SYT14: variants seen among roughly 807,000 people sequenced by gnomAD.
SYT14 encodes synaptotagmin-14.
Under a neutral mutation model 74.2 loss-of-function variants are expected in SYT14, and 32 were observed. The observed-to-expected ratio is 0.43, with a 90% confidence interval of 0.33 to 0.58. The LOEUF (loss-of-function observed/expected upper bound fraction) is 0.58, where lower values mean the gene tolerates loss of function less well. Among genes scored for constraint, SYT14 ranks in the 20% least tolerant of loss-of-function variants. SYT14 has a pLI of 0.05. For missense variants in SYT14, 791 were observed against 981.8 expected, an observed-to-expected ratio of 0.81 and a Z score of 2.60; for synonymous variants, 298 against 337.7, an observed-to-expected ratio of 0.88 and a Z score of 1.29.
At chr1:210,025,458 A>G (rs751277574) in intron 5 of SYT14, among the ~76,000 whole-genome samples, 1 of 152,222 alleles carries the variant, frequency 6.6e-6, no homozygotes, top group African/African-American at 2.4e-5. Flanking sequence ...AGGGAATCAC[A>G]AGGTAGAAGG....
At chr1:210,005,791 G>T (rs1299448143) in intron 2 of SYT14, among the ~76,000 whole-genome samples, 2 of 151,860 alleles carry the variant, frequency 1.3e-5, no homozygotes, top group African/African-American at 4.8e-5. Flanking sequence ...AATATATGAA[G>T]TACATTAAGT....
At chr1:210,031,848 A>T (rs1246435078) in intron 5 of SYT14, among the ~76,000 whole-genome samples, 2 of 152,150 alleles carry the variant, frequency 1.3e-5, no homozygotes, top group Non-Finnish European at 2.9e-5. Context: ...TAAGACCTCA[A>T]AAACCTGTTT....
intron 5 of SYT14, among the ~76,000 whole-genome samples, chr1:210,090,245 T>C (rs1178336747): frequency 1.3e-5 from 2 of 152,218 alleles, no homozygotes; most frequent in Non-Finnish European, 2.9e-5. Context: ...TTTCCTGCCT[T>C]CGGACTTTAT....
At chr1:209,964,873 A>G (rs2079130711) in intron 2 of SYT14, among the ~76,000 whole-genome samples, 1 of 152,220 alleles carries the variant, frequency 6.6e-6, no homozygotes, top group South Asian at 2.1e-4. Context: ...CATAGTATTT[A>G]TACAAACAGT....
chr1:210,140,149 A>G (rs992325072), intron 7 of SYT14, among the ~76,000 whole-genome samples: 42 of 152,268 alleles, frequency 2.8e-4, no homozygotes, highest in African/African-American at 1.0e-3. Flanking sequence ...TATGTAAGCT[A>G]TCCTACTGGG....
chr1:210,126,277 A>G (rs1203183106), intron 7 of SYT14, among the ~76,000 whole-genome samples: 5 of 151,826 alleles, frequency 3.3e-5, no homozygotes, highest in Non-Finnish European at 7.4e-5. Flanking sequence ...ACTGGGTGCA[A>G]TTTTAAGCAT....
chr1:209,989,022 A>T (rs1369773599), intron 2 of SYT14, among the ~76,000 whole-genome samples: 1 of 152,116 alleles, frequency 6.6e-6, no homozygotes, highest in African/African-American at 2.4e-5. Flanking sequence ...CCCTTTCTCC[A>T]GGTAGTAAGC....
rs190090663 is a variant in SYT14 at position 209,979,631 on chromosome 1, T to G, written c.-486+26875T>G. ...CCCCCTACTCTCCAACAGGCCCCAG[T>G]GTGTGTTTTTCCCCACCATGGGTCC... On this transcript the variant is annotated intron_variant, in intron 2 of 9. Transcript: ENST00000637265. Among the ~76,000 whole-genome samples, 954 of 152,216 alleles carry G rather than the reference T, an allele frequency of 6.3e-3. 13 individuals are homozygous for G. The highest frequency in any genetic ancestry group is 9.6e-3 in the Non-Finnish European group (656 of 68,004).
Position 210,161,757 on chromosome 1 carries a change from C to G in SYT14, c.*715C>G, listed in dbSNP as rs754200482. On this transcript the variant is annotated 3_prime_UTR_variant, in exon 10 of 10. Transcript: ENST00000637265. ...AGAGACCAAGTCACTGTACTGGTCC[C>G]TTGCAAGTCTTCTAGACAGGTTGTA... 1.1e-4 allele frequency: 51 copies of G among 453,766 alleles called. 2 individuals are homozygous for G. The highest frequency in any genetic ancestry group is 7.6e-4 in the South Asian group (49 of 64,448). 28.1% of individuals were successfully genotyped at this position (453,766 alleles called of 1,614,324 possible). A position where few individuals can be genotyped will look rare whatever the true frequency, so the allele number is the denominator to read the frequency against.
At chr1:210,122,677 C>G (rs115782016) in intron 7 of SYT14, among the ~76,000 whole-genome samples, 25 of 151,634 alleles carry the variant, frequency 1.6e-4, no homozygotes, top group African/African-American at 6.1e-4. Context: ...AAAAAACAGA[C>G]CACATGCCAC....
intron 4 of SYT14, among the ~76,000 whole-genome samples, chr1:210,018,369 G>T (rs1271464270): frequency 6.6e-6 from 1 of 152,022 alleles, no homozygotes; most frequent in Non-Finnish European, 1.5e-5. Context: ...TCCTGACCTC[G>T]TGATCCACCC....
chr1:210,012,657 T>G (rs1241314188), intron 2 of SYT14, among the ~76,000 whole-genome samples: 3 of 152,150 alleles, frequency 2.0e-5, no homozygotes, highest in Non-Finnish European at 4.4e-5. Context: ...TCATAAATTT[T>G]GTTAAGTAAT....
intron 2 of SYT14, among the ~76,000 whole-genome samples, chr1:209,988,012 A>G (rs1027499405): frequency 6.6e-6 from 1 of 152,072 alleles, no homozygotes; most frequent in Non-Finnish European, 1.5e-5. Context: ...AATTTGGAAC[A>G]ATTTTGACCA....
At chr1:209,990,328 A>G (rs772197508) in intron 2 of SYT14, among the ~76,000 whole-genome samples, 2 of 151,766 alleles carry the variant, frequency 1.3e-5, no homozygotes, top group Non-Finnish European at 2.9e-5. Flanking sequence ...TAGCATATCA[A>G]TGGCTCTAGA....
intron 2 of SYT14, among the ~76,000 whole-genome samples, chr1:209,966,759 G>A (rs1328107551): frequency 6.6e-6 from 1 of 152,132 alleles, no homozygotes; most frequent in Non-Finnish European, 1.5e-5. Context: ...GTAGATGACC[G>A]TGTCTATGAA....
chr1:209,941,852 G>A (rs774410228), intron 1 of SYT14, among the ~76,000 whole-genome samples: 1 of 152,294 alleles, frequency 6.6e-6, no homozygotes, highest in Non-Finnish European at 1.5e-5. Context: ...ATTTAAGAAT[G>A]ATCAAGTTCT....
chr1:210,088,199 G>A (rs560350997), intron 5 of SYT14, among the ~76,000 whole-genome samples: 138 of 141,998 alleles, frequency 9.7e-4, no homozygotes, highest in Non-Finnish European at 1.6e-3. Flanking sequence ...TTTACAGTGA[G>A]TTTTTTTTTT....
intron 8 of SYT14, among the ~76,000 whole-genome samples, chr1:210,158,081 A>T (rs2083303703): frequency 6.6e-6 from 1 of 152,214 alleles, no homozygotes; most frequent in Admixed American, 6.5e-5. Context: ...TGAGACTCAA[A>T]TCAGATAAAG....
At chr1:210,163,135 A>C (rs1012398362) in exon 10 of SYT14, 2 of 453,376 alleles carry the variant, frequency 4.4e-6, no homozygotes, top group African/African-American at 4.0e-5. Context: ...TTATCTTCCT[A>C]ATAAAAAGAG....
Sources: allele counts gnomAD v4.1 joint callset (sites outside exome capture counted in the v4.1 genomes callset), GRCh38; gene constraint gnomAD v4.1.1; transcripts MANE v1.5; gene names NCBI Gene and HGNC (gene_info 2026-07-23, HGNC 2026-07-21).